ADGRL3: variants seen among roughly 807,000 people sequenced by gnomAD.
The protein encoded by ADGRL3 is calcium-independent alpha-latrotoxin receptor 3.
Under a neutral mutation model 153.5 loss-of-function variants are expected in ADGRL3, and 62 were observed. That is an observed-to-expected ratio of 0.40 (90% CI 0.33 to 0.50). The LOEUF (loss-of-function observed/expected upper bound fraction) is 0.50, where lower values mean the gene tolerates loss of function less well. Among genes scored for constraint, ADGRL3 ranks in the 20% least tolerant of loss-of-function variants. The pLI, the probability that ADGRL3 is intolerant of heterozygous loss-of-function variation, is 0.47. For synonymous variants in ADGRL3, 710 were observed against 672.5 expected, an observed-to-expected ratio of 1.06 and a Z score of -0.86; for missense variants, 1,641 against 1,859.4, an observed-to-expected ratio of 0.88 and a Z score of 2.16.
chr4:61,374,872 A>AT (rs994421526), intron 1 of ADGRL3, among the ~76,000 whole-genome samples: 21 of 150,760 alleles, frequency 1.4e-4, no homozygotes, highest in Middle Eastern at 3.4e-3. Flanking sequence ...ACATTTATTG[A>AT]TTTTTTTTTA....
intron 1 of ADGRL3, among the ~76,000 whole-genome samples, chr4:61,372,108 G>T (rs984973800): frequency 7.2e-5 from 11 of 151,784 alleles, no homozygotes; most frequent in Admixed American, 2.0e-4. Flanking sequence ...TCTCTGTATT[G>T]GTTATTCTAG....
chr4:61,328,439 G>A lies in ADGRL3; in HGVS notation c.-239-54685G>A, dbSNP rs980929199. Among the ~76,000 whole-genome samples the A allele has an allele frequency of 3.3e-5, 5 of 152,068 alleles. No individual in the cohort carries two copies. The East Asian group carries it at 7.7e-4, about 23-fold the overall frequency. Reference sequence around the variant, plus strand: ...CCAGTGATCTCATTATATGTTAAAGGATATCCTCCTTGCAATGAAAGGAAA... The same window carrying A: ...CCAGTGATCTCATTATATGTTAAAGAATATCCTCCTTGCAATGAAAGGAAA... On this transcript the variant is annotated intron_variant, in intron 1 of 26. Transcript: ENST00000683033.
At chr4:61,575,673 A>G (rs1293422119) in intron 4 of ADGRL3, among the ~76,000 whole-genome samples, 1 of 152,064 alleles carries the variant, frequency 6.6e-6, no homozygotes, top group Non-Finnish European at 1.5e-5. Context: ...AATGAAGTTA[A>G]TCACTGCGGT....
intron 1 of ADGRL3, among the ~76,000 whole-genome samples, chr4:61,235,374 A>G (rs1752413500): frequency 1.3e-5 from 2 of 152,238 alleles, no homozygotes; most frequent in Non-Finnish European, 2.9e-5. Flanking sequence ...TTTTTAAATT[A>G]ACACATCTTT....
intron 1 of ADGRL3, among the ~76,000 whole-genome samples, chr4:61,314,208 G>A (rs919871570): frequency 2.0e-4 from 29 of 141,996 alleles, no homozygotes; most frequent in African/African-American, 7.2e-4. Context: ...CTACTTTGAA[G>A]TTTTTTTTTT....
intron 1 of ADGRL3, among the ~76,000 whole-genome samples, chr4:61,283,931 C>T (rs771869020): frequency 2.6e-5 from 4 of 151,952 alleles, no homozygotes; most frequent in Non-Finnish European, 4.4e-5. Context: ...TTAAGGTCCA[C>T]ATTCTAGAAC....
chr4:61,804,814 A>ATTCACACTTT, intron 8 of ADGRL3, among the ~76,000 whole-genome samples: 1 of 152,146 alleles, frequency 6.6e-6, no homozygotes, highest in East Asian at 1.9e-4. Context: ...TTTCAGTCAA[A>ATTCACACTTT]TTCAGGCTAC....
intron 6 of ADGRL3, among the ~76,000 whole-genome samples, chr4:61,711,695 A>G (rs535671929): frequency 1.0e-3 from 155 of 151,768 alleles, no homozygotes; most frequent in Non-Finnish European, 1.8e-3. Context: ...ACAGAAAACA[A>G]AAGTGCACTA....
intron 25 of ADGRL3, among the ~76,000 whole-genome samples, chr4:62,052,382 T>C (rs1734684797): frequency 6.6e-6 from 1 of 151,570 alleles, no homozygotes; most frequent in African/African-American, 2.4e-5. Flanking sequence ...TAAAATTCCT[T>C]CCTGTACTAT....
chr4:61,430,222 A>T (rs1291700449), intron 2 of ADGRL3, among the ~76,000 whole-genome samples: 1 of 152,176 alleles, frequency 6.6e-6, no homozygotes. Context: ...TTCTAAATGT[A>T]AATGGGATTG....
intron 9 of ADGRL3, among the ~76,000 whole-genome samples, chr4:61,818,269 T>C (rs2097710868): frequency 6.6e-6 from 1 of 152,110 alleles, no homozygotes; most frequent in African/African-American, 2.4e-5. Flanking sequence ...AGGCCCAAAA[T>C]TCAATCGGGT....
intron 21 of ADGRL3, among the ~76,000 whole-genome samples, chr4:62,017,062 A>T (rs774795741): frequency 1.3e-5 from 2 of 152,086 alleles, no homozygotes; most frequent in African/African-American, 4.8e-5. Context: ...ATTGAACATT[A>T]TTAAATAGAT....
chr4:61,411,489 C>T (rs901753824), intron 2 of ADGRL3, among the ~76,000 whole-genome samples: 4 of 152,156 alleles, frequency 2.6e-5, no homozygotes, highest in Non-Finnish European at 5.9e-5. Context: ...TGTAACACAG[C>T]ATAATTCTTT....
At chr4:61,903,903 G>C (rs532098199) in intron 11 of ADGRL3, among the ~76,000 whole-genome samples, 1 of 151,700 alleles carries the variant, frequency 6.6e-6, no homozygotes. Flanking sequence ...CCCTCAAGTA[G>C]CAGGGACCAC....
chr4:61,856,964 C>CTTTCTTTCTTTCTTTCTT (rs2149233799), intron 9 of ADGRL3, among the ~76,000 whole-genome samples: 2 of 79,194 alleles, frequency 2.5e-5, no homozygotes, highest in South Asian at 1.1e-3. Flanking sequence ...TTCTTTCTTT[C>CTTTCTTTCTTTCTTTCTT]TTTCTTTCTT....
rs531634635 is a variant in ADGRL3, at chr4:61,436,746, AGGCC to A, written c.-174+53558_-174+53561del. Reference sequence around the variant, plus strand: ...TAGAGCAGTCTCCTTGTAAATGTTGAGGCCAATTTCCTGAAAATCATAGTGGTAA... The same window carrying A: ...TAGAGCAGTCTCCTTGTAAATGTTGAAATTTCCTGAAAATCATAGTGGTAA... On this transcript the variant is annotated intron_variant, in intron 2 of 26. Coordinates refer to ENST00000683033, the MANE Select transcript of ADGRL3 (RefSeq NM_001387552.1). Among the ~76,000 whole-genome samples, 35 of 152,248 alleles carry A rather than the reference AGGCC, an allele frequency of 2.3e-4. 1 individual carries two copies. The South Asian group carries it at 6.4e-3, about 28-fold the overall frequency.
intron 9 of ADGRL3, among the ~76,000 whole-genome samples, chr4:61,891,150 G>T (rs1581327259): frequency 6.6e-6 from 1 of 152,250 alleles, no homozygotes; most frequent in Non-Finnish European, 1.5e-5. Flanking sequence ...CTCTGCTACT[G>T]CTTTCGTTAA....
intron 2 of ADGRL3, among the ~76,000 whole-genome samples, chr4:61,440,445 T>G (rs149811194): frequency 1.3e-5 from 2 of 152,222 alleles, no homozygotes; most frequent in Non-Finnish European, 2.9e-5. Context: ...GAAGAAGGAC[T>G]TAGTAATTGG....
chr4:61,435,388 C>A (rs1438303534), intron 2 of ADGRL3, among the ~76,000 whole-genome samples: 1 of 151,978 alleles, frequency 6.6e-6, no homozygotes, highest in Non-Finnish European at 1.5e-5. Flanking sequence ...AAGTAAAGGT[C>A]TCTTCCTAAT....
Sources: allele counts gnomAD v4.1 joint callset (sites outside exome capture counted in the v4.1 genomes callset), GRCh38; gene constraint gnomAD v4.1.1; transcripts MANE v1.5; gene names NCBI Gene and HGNC (gene_info 2026-07-23, HGNC 2026-07-21).